PDE1A: variants seen among roughly 807,000 people sequenced by gnomAD.
PDE1A encodes phosphodiesterase 1A, also known as dual specificity calcium/calmodulin-dependent 3',5'-cyclic nucleotide phosphodiesterase 1A.
PDE1A carries 35 observed loss-of-function variants against 61.7 expected under a neutral mutation model. The observed-to-expected ratio is 0.57, with a 90% CI of 0.43 to 0.75. The LOEUF is 0.75. PDE1A is among the 30% of genes least tolerant of loss of function. The pLI is 0.00. For missense variants in PDE1A, 597 were observed against 630.6 expected (o/e 0.95, Z 0.57); for synonymous variants, 232 against 213.2 (o/e 1.09, Z -0.77).
intron 2 of PDE1A, among the ~76,000 whole-genome samples, chr2:182,510,302 T>C (rs1689703002): frequency 6.6e-6 from 1 of 152,208 alleles, no homozygotes; most frequent in Non-Finnish European, 1.5e-5. Flanking sequence ...CTATAGTCAT[T>C]CATGCCTAAA....
chr2:182,561,371 T>C, the PDE1A span, among the ~76,000 whole-genome samples: 1 of 152,068 alleles, frequency 6.6e-6, no homozygotes, highest in African/African-American at 2.4e-5. Context: ...GTTGTAGATA[T>C]GAGGTGTTAT....
chr2:182,607,978 G>GTA, the PDE1A span, among the ~76,000 whole-genome samples: 3 of 152,198 alleles, frequency 2.0e-5, no homozygotes, highest in African/African-American at 7.2e-5. Flanking sequence ...ACCTCCACCT[G>GTA]TATCAGTCAC....
At chr2:182,496,888 C>G (rs1409803447) in intron 2 of PDE1A, among the ~76,000 whole-genome samples, 1 of 152,160 alleles carries the variant, frequency 6.6e-6, no homozygotes, top group Non-Finnish European at 1.5e-5. Context: ...TTGTAAGCAA[C>G]TAATTCCTGT....
At chr2:182,698,024 G>A in the PDE1A span, among the ~76,000 whole-genome samples, 1 of 152,292 alleles carries the variant, frequency 6.6e-6, no homozygotes, top group South Asian at 2.1e-4. Context: ...AATTCATCAA[G>A]TTGAAAATAT....
intron 1 of PDE1A, among the ~76,000 whole-genome samples, chr2:182,315,714 T>TG (rs1342040759): frequency 6.6e-6 from 1 of 152,198 alleles, no homozygotes; most frequent in Non-Finnish European, 1.5e-5. Context: ...TCTGGGACAC[T>TG]GGGGCACATG....
chr2:182,286,045 T>G (rs564277318), intron 1 of PDE1A, among the ~76,000 whole-genome samples: 1 of 152,276 alleles, frequency 6.6e-6, no homozygotes, highest in South Asian at 2.1e-4. Flanking sequence ...GAAAATTAAA[T>G]GAAGTAATAT....
At chr2:182,314,439 G>A (rs1696199551) in intron 1 of PDE1A, 1 of 152,184 alleles carries the variant, frequency 6.6e-6, no homozygotes, top group South Asian at 2.1e-4. Flanking sequence ...ACTGGACCAG[G>A]TCAGAAACAG....
chr2:182,397,066 G>A (rs1701746333), intron 1 of PDE1A, among the ~76,000 whole-genome samples: 1 of 152,064 alleles, frequency 6.6e-6, no homozygotes, highest in African/African-American at 2.4e-5. Flanking sequence ...TTATCTCATA[G>A]GAAATACTCA....
intron 1 of PDE1A, among the ~76,000 whole-genome samples, chr2:182,382,194 T>G (rs1037896784): frequency 2.6e-5 from 4 of 152,166 alleles, no homozygotes; most frequent in African/African-American, 9.7e-5. Context: ...ATTAGTAGAT[T>G]ATCCAAGTGT....
intron 1 of PDE1A, among the ~76,000 whole-genome samples, chr2:182,357,915 C>A (rs1043271672): frequency 6.6e-6 from 1 of 152,152 alleles, no homozygotes; most frequent in African/African-American, 2.4e-5. Context: ...GATTTATAAG[C>A]AGTTTGTCCC....
chr2:182,612,967 G>C, the PDE1A span, among the ~76,000 whole-genome samples: 1 of 152,212 alleles, frequency 6.6e-6, no homozygotes, highest in Non-Finnish European at 1.5e-5. Flanking sequence ...TTTTGAATAT[G>C]AGTTCTTTTA....
At chr2:182,417,273 T>G (rs1031765869) in intron 1 of PDE1A, among the ~76,000 whole-genome samples, 9 of 152,218 alleles carry the variant, frequency 5.9e-5, no homozygotes, top group African/African-American at 1.9e-4. Context: ...CTATTCACCC[T>G]TCAGTGTTCA....
At chr2:182,644,230 C>T in the PDE1A span, among the ~76,000 whole-genome samples, 1 of 142,884 alleles carries the variant, frequency 7.0e-6, no homozygotes, top group African/African-American at 2.6e-5. Context: ...TGGGCTTTTA[C>T]TTCCGATGTC....
chr2:182,427,231 T>C (rs1216434309), upstream of PDE1A, among the ~76,000 whole-genome samples: 4 of 152,192 alleles, frequency 2.6e-5, no homozygotes, highest in East Asian at 1.9e-4. Context: ...CTTCAGATTA[T>C]AATTATTTTA....
At chr2:182,563,955 C>T in the PDE1A span, among the ~76,000 whole-genome samples, 20 of 152,168 alleles carry the variant, frequency 1.3e-4, no homozygotes, top group Admixed American at 5.2e-4. Context: ...TGTCTCTGCA[C>T]GTGAGATGGG....
chr2:182,715,863 T>C, the PDE1A span, among the ~76,000 whole-genome samples: 1 of 152,196 alleles, frequency 6.6e-6, no homozygotes, highest in Admixed American at 6.5e-5. Flanking sequence ...ATTTCGCCTT[T>C]CGGTCTCACC....
chr2:182,438,033 T>A lies in PDE1A; in HGVS notation c.101+84243A>T, dbSNP rs116264542. Among the ~76,000 whole-genome samples the A allele has an allele frequency of 8.6e-3, 1,311 of 151,920 alleles. 17 individuals are homozygous for A. The highest frequency in any genetic ancestry group is 0.03 in the African/African-American group (1,233 of 41,514). The stretch of plus-strand genomic sequence containing the variant: ...AATGAGTTATTTGTTATAAATAGAA[T>A]CATAGACTTCTGGAATCTGAAGGGA... On this transcript the variant is annotated intron_variant, in intron 2 of 14. Transcript: ENST00000410103.
In PDE1A at chr2:182,355,600, T is replaced by C. The variant is rs115194500; in HGVS notation, c.53+70978A>G. Among the ~76,000 whole-genome samples the C allele has an allele frequency of 2.5e-3, 386 of 152,172 alleles. 2 individuals are homozygous for C. The highest frequency in any genetic ancestry group is 8.8e-3 in the African/African-American group (365 of 41,562). ...AGCCAGAGTGTGCCATATCTCATCA[T>C]ACATCTGAATTTTACATGTATCCAT... On this transcript the variant is annotated intron_variant, in intron 1 of 13. Transcript: ENST00000351439.
At chr2:182,691,834 A>G in the PDE1A span, among the ~76,000 whole-genome samples, 3 of 149,994 alleles carry the variant, frequency 2.0e-5, no homozygotes, top group Admixed American at 6.7e-5. Flanking sequence ...AAATTACAAG[A>G]AAAAAAAAAC....
Sources: allele counts gnomAD v4.1 joint callset (sites outside exome capture counted in the v4.1 genomes callset), GRCh38; gene constraint gnomAD v4.1.1; transcripts MANE v1.5; gene names NCBI Gene and HGNC (gene_info 2026-07-23, HGNC 2026-07-21).